The following GFRA2 variants were observed in gnomAD, a reference collection of about 807,000 sequenced individuals.
GFRA2 encodes the protein GDNF family receptor alpha-2.
Under a neutral mutation model 48.3 loss-of-function variants are expected in GFRA2, and 17 were observed. The observed-to-expected ratio is 0.35, with a 90% confidence interval of 0.24 to 0.53. GFRA2 has a LOEUF of 0.53. Among genes scored for constraint, GFRA2 ranks in the 20% least tolerant of loss-of-function variants. The pLI, the probability that GFRA2 is intolerant of heterozygous loss-of-function variation, is 0.93. For synonymous variants in GFRA2, 305 were observed against 257.2 expected (o/e 1.19, Z -1.78); for missense variants, 660 against 637.3 (o/e 1.04, Z -0.38).
chr8:21,723,037 C>T (rs1386123294), intron 4 of GFRA2, among the ~76,000 whole-genome samples: 2 of 152,220 alleles, frequency 1.3e-5, no homozygotes, highest in Non-Finnish European at 2.9e-5. Context: ...TACCAACCGT[C>T]TCAAAACCTC....
intron 2 of GFRA2, among the ~76,000 whole-genome samples, chr8:21,800,027 C>A (rs1211700501): frequency 6.6e-6 from 1 of 152,226 alleles, no homozygotes; most frequent in Non-Finnish European, 1.5e-5. Context: ...CAGCTTCTAA[C>A]CTCACCTTCC....
intron 3 of GFRA2, among the ~76,000 whole-genome samples, chr8:21,755,786 G>A (rs765365114): frequency 1.5e-4 from 23 of 152,230 alleles, no homozygotes; most frequent in African/African-American, 2.4e-4. Context: ...AATTCAATAC[G>A]ACTGAACATG....
intron 1 of GFRA2, among the ~76,000 whole-genome samples, chr8:21,811,658 G>C (rs1003555238): frequency 3.9e-5 from 6 of 151,940 alleles, no homozygotes; most frequent in African/African-American, 1.5e-4. Flanking sequence ...CTGCATACAA[G>C]TCCTCCCCCC....
At position 21,788,323 on chromosome 8, in the gene GFRA2, C is replaced by A; in HGVS notation, c.-164G>T. ...TGAAGATCCCGAGTCCTGCGATTCT[C>A]GCCTCTGGCTGGAGGGGGTGGGGTG... On this transcript the variant is annotated 5_prime_UTR_variant, in exon 1 of 9. Transcript: ENST00000524240. 7.2e-7 allele frequency: 1 copy of A among 1,387,412 alleles called. No homozygotes were observed. The highest frequency in any genetic ancestry group is 9.3e-7 in the Non-Finnish European group (1 of 1,071,886). The allele number at this position is 1,387,412 out of a possible 1,614,324, so 85.9% of individuals were successfully genotyped here.
chr8:21,706,915 C>T (rs572997028), intron 4 of GFRA2, among the ~76,000 whole-genome samples: 2 of 152,318 alleles, frequency 1.3e-5, no homozygotes, highest in Admixed American at 1.3e-4. Flanking sequence ...ATCTCCATTC[C>T]TTCCTCTTCC....
chr8:21,755,419 G>A (rs1805520520), intron 3 of GFRA2, among the ~76,000 whole-genome samples: 1 of 152,092 alleles, frequency 6.6e-6, no homozygotes, highest in African/African-American at 2.4e-5. Flanking sequence ...TGGAGGCTGG[G>A]GGAAATTAAG....
chr8:21,780,277 G>A (rs1806917422), intron 2 of GFRA2, among the ~76,000 whole-genome samples: 1 of 152,014 alleles, frequency 6.6e-6, no homozygotes, highest in African/African-American at 2.4e-5. Context: ...AATCCAGTGT[G>A]TCACCCTCTG....
At chr8:21,700,834 C>T (rs1802437875) in intron 7 of GFRA2, among the ~76,000 whole-genome samples, 1 of 152,134 alleles carries the variant, frequency 6.6e-6, no homozygotes, top group African/African-American at 2.4e-5. Flanking sequence ...CCCTTCCTCC[C>T]ATCCAGGCTC....
At position 21,702,976 on chromosome 8, in the gene GFRA2, C is replaced by T; in HGVS notation, c.1047G>A (p.Arg349=). 6.6e-7 allele frequency: 1 copy of T among 1,513,616 alleles called. No homozygotes were observed. Among genetic ancestry groups the T allele is most frequent in the Non-Finnish European group, 8.8e-7 (1 of 1,136,586 alleles). The allele number at this position is 1,513,616 out of a possible 1,614,324, so 93.8% of individuals were successfully genotyped here. The part of the protein sequence containing the change: ...LRDFTENPCL[R]NAIQAFGNGT... ...CGTTGCCAAAGGCCTGGATGGCGTT[C>T]CCTGGGATGGGGGTGAGGGCAGATG... The change falls in exon 7 of 9, where the codon CGG becomes CGA. Residue 349 remains arginine, a splice_region_variant and synonymous_variant. Coordinates refer to ENST00000524240, the MANE Select transcript of GFRA2 (RefSeq NM_001495.5).
At chr8:21,697,044 A>G (rs1320180256) in intron 7 of GFRA2, among the ~76,000 whole-genome samples, 756 of 7,874 alleles carry the variant, frequency 0.096, no homozygotes, top group Middle Eastern at 0.12. Flanking sequence ...AGAGGGGAGG[A>G]GACAGAGGAG....
At chr8:21,701,868 G>A (rs150626738) in intron 7 of GFRA2, among the ~76,000 whole-genome samples, 6 of 152,256 alleles carry the variant, frequency 3.9e-5, no homozygotes, top group African/African-American at 1.4e-4. Context: ...AAGGGGGCTG[G>A]GTGGGGTTCC....
intron 4 of GFRA2, among the ~76,000 whole-genome samples, chr8:21,706,820 TG>T (rs1280949108): frequency 7.2e-5 from 11 of 152,356 alleles, no homozygotes; most frequent in Admixed American, 5.9e-4. Context: ...GTGTCTGAGC[TG>T]GGTCTGTCCC....
At position 21,690,832 on chromosome 8, in the gene GFRA2, C is replaced by T. The variant is rs67760158; in HGVS notation, c.*2446G>A. On this transcript the variant is annotated 3_prime_UTR_variant, in exon 9 of 9. Coordinates refer to ENST00000524240, the MANE Select transcript of GFRA2 (RefSeq NM_001495.5). Reference sequence around the variant, plus strand: ...CTGCCCTCGCCTCCCCTGGTCCCCCCACCTCCCACAAATTCCGTGAGCCAC... The same window carrying T: ...CTGCCCTCGCCTCCCCTGGTCCCCCTACCTCCCACAAATTCCGTGAGCCAC... 51,690 of 152,592 alleles carry T rather than the reference C, an allele frequency of 0.34. 9,201 individuals are homozygous for T. Among genetic ancestry groups the T allele is most frequent in the Middle Eastern group, 0.43 (153 of 358 alleles). 9.5% of individuals were successfully genotyped at this position (152,592 alleles called of 1,614,324 possible).
intron 4 of GFRA2, among the ~76,000 whole-genome samples, chr8:21,748,967 G>A (rs1307925055): frequency 3.9e-5 from 6 of 152,076 alleles, no homozygotes; most frequent in African/African-American, 1.2e-4. Flanking sequence ...CCAAGGCTCA[G>A]GTCAAGGCCC....
At chr8:21,774,500 G>A (rs1585327343) in intron 3 of GFRA2, among the ~76,000 whole-genome samples, 1 of 152,182 alleles carries the variant, frequency 6.6e-6, no homozygotes, top group East Asian at 1.9e-4. Context: ...AGCTGATGCT[G>A]ACTGATGCGG....
chr8:21,727,820 G>A (rs575438717), intron 4 of GFRA2, among the ~76,000 whole-genome samples: 11 of 152,258 alleles, frequency 7.2e-5, no homozygotes, highest in South Asian at 2.1e-4. Context: ...CTGGATTCAC[G>A]GAAAATACTT....
chr8:21,750,785 C>T lies in GFRA2; in HGVS notation c.597G>A (p.Lys199=), dbSNP rs1202168917. The T allele has an allele frequency of 1.9e-6, 3 of 1,614,044 alleles. No homozygotes were observed. Among genetic ancestry groups the T allele is most frequent in the Non-Finnish European group, 2.5e-6 (3 of 1,179,910 alleles). ...AGAACTGGCGCAGGGCCTTGTGGCA[C>T]TTGCGGCGGTTGCAGCGCTCGGTGG... ...ISPTERCNRR[K]CHKALRQFFD... Residue 199 remains lysine (K), a synonymous_variant, in exon 4 of 9, where the codon AAG becomes AAA. Coordinates refer to ENST00000524240, the MANE Select transcript of GFRA2 (RefSeq NM_001495.5). The surrounding 1 kb of genome is among the most constrained non-coding windows in gnomAD (Gnocchi z 5.7).
chr8:21,716,066 C>T (rs1405947872), intron 4 of GFRA2, among the ~76,000 whole-genome samples: 1 of 152,208 alleles, frequency 6.6e-6, no homozygotes, highest in Middle Eastern at 3.4e-3. Flanking sequence ...CTCACGCCTG[C>T]AATTCTAGCA....
intron 1 of GFRA2, among the ~76,000 whole-genome samples, chr8:21,808,405 TATG>T (rs1329173788): frequency 6.6e-6 from 1 of 152,226 alleles, no homozygotes; most frequent in Non-Finnish European, 1.5e-5. Context: ...CCAGCATTGC[TATG>T]ATGGAGGAGG....
Sources: allele counts gnomAD v4.1 joint callset (sites outside exome capture counted in the v4.1 genomes callset), GRCh38; gene constraint gnomAD v4.1.1; non-coding constraint Gnocchi (gnomAD v3.1); transcripts MANE v1.5; gene names NCBI Gene and HGNC (gene_info 2026-07-23, HGNC 2026-07-21).